FRMD4A: variants seen among roughly 807,000 people sequenced by gnomAD.
FRMD4A encodes FERM domain containing 4A.
A neutral mutation model predicts 129.1 loss-of-function variants in FRMD4A; 29 were observed. That is an observed-to-expected ratio of 0.22 (90% confidence interval 0.17 to 0.31). The LOEUF (loss-of-function observed/expected upper bound fraction) is 0.31, where lower values mean the gene tolerates loss of function less well. FRMD4A is among the 10% of genes least tolerant of loss of function. FRMD4A has a pLI of 1.00. For synonymous variants in FRMD4A, 634 were observed against 571.6 expected, an observed-to-expected ratio of 1.11 and a Z score of -1.56; for missense variants, 1,272 against 1,375.8, an observed-to-expected ratio of 0.92 and a Z score of 1.19.
In FRMD4A at chr10:13,978,131, A is replaced by G. The variant is rs911656169; in HGVS notation, c.46-119219T>C. Among the ~76,000 whole-genome samples the G allele has an allele frequency of 5.3e-5, 8 of 152,118 alleles. No individual in the cohort carries two copies. In the East Asian group the frequency reaches 5.8e-4, roughly 11 times the overall value. Reference sequence around the variant, plus strand: ...CCACTAGCAGTGTGTGAAGGTTCCAATTTCTCTACCTCCTTGCCAATCTTG... The same window carrying G: ...CCACTAGCAGTGTGTGAAGGTTCCAGTTTCTCTACCTCCTTGCCAATCTTG... On this transcript the variant is annotated intron_variant, in intron 2 of 24. Coordinates refer to ENST00000357447, the MANE Select transcript of FRMD4A (RefSeq NM_018027.5).
chr10:13,797,376 T>A lies in FRMD4A; in HGVS notation c.207-788A>T, dbSNP rs566911169. The stretch of plus-strand genomic sequence containing the variant: ...CGCCAGGGGCAGTGGCTCATGCCTT[T>A]AATCCCAGCACTTTGGAAGGCTGAG... On this transcript the variant is annotated intron_variant, in intron 4 of 24. Transcript: ENST00000357447. Among the ~76,000 whole-genome samples the A allele has an allele frequency of 7.0e-4, 107 of 152,312 alleles. 1 individual carries two copies. In the South Asian group the frequency reaches 0.022, roughly 31 times the overall value.
In FRMD4A at chr10:14,059,929, C is replaced by T. The variant is rs568544054; in HGVS notation, c.46-201017G>A. ...TTACAACAATCCTATGAACTAGATG[C>T]TATTATTACACCATTTTATAGAAAA... On this transcript the variant is annotated intron_variant, in intron 2 of 24. Transcript: ENST00000357447. 5.3e-5 allele frequency among the ~76,000 whole-genome samples: 8 copies of T among 152,272 alleles called. No individual in the cohort carries two copies. In the South Asian group the frequency reaches 1.5e-3, roughly 28 times the overall value.
chr10:14,176,144 A>AGCT (rs1841718043), intron 2 of FRMD4A, among the ~76,000 whole-genome samples: 1 of 152,194 alleles, frequency 6.6e-6, no homozygotes, highest in African/African-American at 2.4e-5. Context: ...ATGTGCTGGA[A>AGCT]GCTGTTCTTG....
At chr10:13,938,944 T>C (rs1049762122) in intron 2 of FRMD4A, among the ~76,000 whole-genome samples, 1 of 152,164 alleles carries the variant, frequency 6.6e-6, no homozygotes, top group Non-Finnish European at 1.5e-5. Context: ...TGTCACAACC[T>C]GGAAGGCGCT....
intron 13 of FRMD4A, among the ~76,000 whole-genome samples, chr10:13,702,077 C>T (rs1541008): frequency 0.97 from 147,230 of 152,146 alleles, 71,456 homozygotes; most frequent in East Asian, 1. Flanking sequence ...CGATACATTT[C>T]ATTTATATTT....
chr10:13,654,817 C>A, intron 22 of FRMD4A: 1 of 446,036 alleles, frequency 2.2e-6, no homozygotes, highest in Non-Finnish European at 3.9e-6. Context: ...AGGAGGTAGG[C>A]ATAGGGATGG....
At chr10:13,909,681 A>C (rs1478096646) in intron 2 of FRMD4A, among the ~76,000 whole-genome samples, 1 of 152,218 alleles carries the variant, frequency 6.6e-6, no homozygotes, top group Non-Finnish European at 1.5e-5. Flanking sequence ...CAAACTTAAC[A>C]CTGTCGCAAT....
chr10:13,753,167 G>A (rs1394254907), intron 8 of FRMD4A, among the ~76,000 whole-genome samples: 1 of 152,184 alleles, frequency 6.6e-6, no homozygotes, highest in Non-Finnish European at 1.5e-5. Flanking sequence ...AATCATGCAG[G>A]AAACAATCTT....
chr10:14,058,697 T>C (rs1487179862), intron 2 of FRMD4A, among the ~76,000 whole-genome samples: 1 of 152,138 alleles, frequency 6.6e-6, no homozygotes, highest in Admixed American at 6.6e-5. Context: ...ACTGAACACA[T>C]CCCTGTAGGG....
intron 2 of FRMD4A, among the ~76,000 whole-genome samples, chr10:13,950,567 C>G (rs1294197786): frequency 6.6e-6 from 1 of 152,168 alleles, no homozygotes; most frequent in East Asian, 1.9e-4. Context: ...ACAGAAGGAG[C>G]AAGTGAGGTG....
intron 2 of FRMD4A, among the ~76,000 whole-genome samples, chr10:14,146,865 G>A (rs1440825981): frequency 2.0e-5 from 3 of 152,180 alleles, no homozygotes; most frequent in Non-Finnish European, 4.4e-5. Context: ...AGTTCTGCAC[G>A]TAATCAGTTG....
At chr10:13,785,767 C>A (rs10796129) in intron 5 of FRMD4A, among the ~76,000 whole-genome samples, 1 of 150,630 alleles carries the variant, frequency 6.6e-6, no homozygotes, top group African/African-American at 2.5e-5. Flanking sequence ...GCTATCCCTC[C>A]CCCTACCCCC....
At position 13,947,666 on chromosome 10, in the gene FRMD4A, A is replaced by G. The variant is rs563539003; in HGVS notation, c.46-88754T>C. Among the ~76,000 whole-genome samples, 7 of 152,326 alleles carry G rather than the reference A, an allele frequency of 4.6e-5. No individual in the cohort carries two copies. In the South Asian group the frequency reaches 1.5e-3, roughly 32 times the overall value. On this transcript the variant is annotated intron_variant, in intron 2 of 24. Coordinates refer to ENST00000357447, the MANE Select transcript of FRMD4A (RefSeq NM_018027.5). The stretch of plus-strand genomic sequence containing the variant: ...CCATGTCTAACATTTTCACTCAAAT[A>G]CATGCCATAGTACAGCAGAAGCCTC...
chr10:14,311,070 A>G (rs1331483834), intron 2 of FRMD4A, among the ~76,000 whole-genome samples: 1 of 151,988 alleles, frequency 6.6e-6, no homozygotes, highest in East Asian at 1.9e-4. Flanking sequence ...CTCTTCTGTC[A>G]CCTTCTTTAC....
chr10:13,772,135 T>C (rs1344050067), intron 6 of FRMD4A, among the ~76,000 whole-genome samples: 1 of 144,188 alleles, frequency 6.9e-6, no homozygotes, highest in East Asian at 1.9e-4. Flanking sequence ...ATATATATTA[T>C]ATAATATATA....
At chr10:14,105,897 G>T (rs1837562706) in intron 2 of FRMD4A, among the ~76,000 whole-genome samples, 1 of 151,976 alleles carries the variant, frequency 6.6e-6, no homozygotes, top group Admixed American at 6.6e-5. Context: ...TGTAAATTTG[G>T]CAAGACTACA....
intron 15 of FRMD4A, among the ~76,000 whole-genome samples, chr10:13,680,111 CAG>C (rs1190982400): frequency 6.6e-6 from 1 of 152,192 alleles, no homozygotes; most frequent in Non-Finnish European, 1.5e-5. Flanking sequence ...AGAATGACTC[CAG>C]GAAGAAATTG....
At chr10:13,797,455 A>C (rs2093145195) in intron 4 of FRMD4A, among the ~76,000 whole-genome samples, 1 of 152,152 alleles carries the variant, frequency 6.6e-6, no homozygotes, top group Admixed American at 6.5e-5. Flanking sequence ...CAGCCCGTGC[A>C]AAGGCCCCGG....
Position 14,249,281 on chromosome 10 carries a change from G to C in FRMD4A, c.45+80777C>G, listed in dbSNP as rs182644950. On this transcript the variant is annotated intron_variant, in intron 2 of 24. Transcript: ENST00000357447. ...GCAGGAGAATCATTTGAACCCGGGA[G>C]GCAGAGTTTGCAGTGAGCTGAGATC... is the stretch of plus-strand genomic sequence containing the variant. Among the ~76,000 whole-genome samples, 310 of 151,800 alleles carry C rather than the reference G, an allele frequency of 2.0e-3. 1 individual carries two copies. Among genetic ancestry groups the C allele is most frequent in the African/African-American group, 7.4e-3 (303 of 41,206 alleles).
Sources: gnomAD v4.1 joint callset for allele counts (sites outside exome capture counted in the v4.1 genomes callset) on GRCh38, gnomAD v4.1.1 for gene constraint, MANE v1.5 for transcripts, NCBI Gene and HGNC (gene_info 2026-07-23, HGNC 2026-07-21) for gene names.